The following TCF12 variants were observed in gnomAD, a reference collection of about 807,000 sequenced individuals.
TCF12 encodes the protein transcription factor 12.
In TCF12, 45 loss-of-function variants were observed where a neutral mutation model predicts 86.0. The ratio of observed to expected loss-of-function variants is 0.52; its 90% confidence interval spans 0.41 to 0.67. TCF12 has a LOEUF of 0.67. Among genes scored for constraint, TCF12 ranks in the 30% least tolerant of loss-of-function variants. The probability of loss-of-function intolerance (pLI) is 0.00; values close to 1 mark genes in which losing one functional copy is unlikely to be tolerated. For synonymous variants in TCF12, 330 were observed against 299.6 expected, an observed-to-expected ratio of 1.10 and a Z score of -1.05; for missense variants, 881 against 859.9, an observed-to-expected ratio of 1.02 and a Z score of -0.31.
intron 3 of TCF12, among the ~76,000 whole-genome samples, chr15:56,981,618 G>T (rs1244334996): frequency 6.6e-6 from 1 of 152,090 alleles, no homozygotes; most frequent in Non-Finnish European, 1.5e-5. Context: ...CAACATGGGG[G>T]TTAGAGGCTC....
At chr15:57,113,657 G>A (rs1185301257) in intron 5 of TCF12, among the ~76,000 whole-genome samples, 1 of 151,706 alleles carries the variant, frequency 6.6e-6, no homozygotes, top group African/African-American at 2.4e-5. Flanking sequence ...AGTAAATTTA[G>A]GCTGGGCTCA....
At chr15:57,008,377 T>TTTTTTTTCTTTTTTTC in intron 3 of TCF12, among the ~76,000 whole-genome samples, 1 of 147,800 alleles carries the variant, frequency 6.8e-6, no homozygotes, top group African/African-American at 2.5e-5. Flanking sequence ...AAAATACCCT[T>TTTTTTTTCTTTTTTTC]TTTTTTTCTT....
At chr15:57,106,846 T>C (rs2050164646) in intron 5 of TCF12, among the ~76,000 whole-genome samples, 4 of 152,220 alleles carry the variant, frequency 2.6e-5, no homozygotes, top group African/African-American at 9.6e-5. Flanking sequence ...TAAGGAATTG[T>C]AAATTTAAAT....
At chr15:57,210,461 CTA>C (rs1486444193) in intron 8 of TCF12, among the ~76,000 whole-genome samples, 18 of 152,008 alleles carry the variant, frequency 1.2e-4, no homozygotes, top group African/African-American at 3.9e-4. Context: ...CATCAGAAAA[CTA>C]AAAGTCTTTT....
rs144443974 is a variant in TCF12, at chr15:57,235,575, G to A, written c.1035+1468G>A. On this transcript the variant is annotated intron_variant, in intron 12 of 20. Coordinates refer to ENST00000333725, the MANE Select transcript of TCF12 (RefSeq NM_207037.2). ...TGTCTCACCCTTTTTTCGACTTACT[G>A]TCACCTGATGAAAATGACCTATTTA... Among the ~76,000 whole-genome samples, 484 of 152,204 alleles carry A rather than the reference G, an allele frequency of 3.2e-3. 2 individuals carry two copies. The highest frequency in any genetic ancestry group is 0.011 in the African/African-American group (469 of 41,526).
chr15:57,267,590 A>C (rs2060928824), intron 18 of TCF12, among the ~76,000 whole-genome samples: 1 of 152,204 alleles, frequency 6.6e-6, no homozygotes, highest in African/African-American at 2.4e-5. Context: ...TCTCTGTCAC[A>C]GCTACTTACC....
At position 57,192,309 on chromosome 15, in the gene TCF12, A is replaced by G; in HGVS notation, c.526+16A>G. 2 of 1,612,360 alleles carry G rather than the reference A, an allele frequency of 1.2e-6. No individual in the cohort carries two copies. Among genetic ancestry groups the G allele is most frequent in the Non-Finnish European group, 1.7e-6 (2 of 1,179,150 alleles). ...GCAGCGCTTGGTGAGTGTATCACACAACAAATCCCATCCCACATATGTTGT... is the reference window on the plus strand; with the variant it reads ...GCAGCGCTTGGTGAGTGTATCACACGACAAATCCCATCCCACATATGTTGT... On this transcript the variant is annotated intron_variant, in intron 7 of 20. Transcript: ENST00000333725.
intron 3 of TCF12, among the ~76,000 whole-genome samples, chr15:56,953,510 T>A (rs1468649066): frequency 6.6e-6 from 1 of 152,050 alleles, no homozygotes; most frequent in Non-Finnish European, 1.5e-5. Context: ...CCCTTAAATC[T>A]ACAACTGTTT....
At chr15:57,124,646 G>A (rs184669840) in intron 5 of TCF12, among the ~76,000 whole-genome samples, 2 of 152,144 alleles carry the variant, frequency 1.3e-5, no homozygotes, top group Admixed American at 1.3e-4. Context: ...ATTTTCACCA[G>A]ACACAATGGC....
chr15:57,204,280 C>G (rs1179142660), intron 8 of TCF12, among the ~76,000 whole-genome samples: 2 of 151,976 alleles, frequency 1.3e-5, no homozygotes, highest in African/African-American at 4.8e-5. Flanking sequence ...CACACACACA[C>G]ACAAAAAAAT....
intron 5 of TCF12, among the ~76,000 whole-genome samples, chr15:57,126,885 G>T (rs367916634): frequency 2.0e-5 from 3 of 152,128 alleles, no homozygotes. Flanking sequence ...GCTATTTTGT[G>T]TCTTGGGAAC....
chr15:57,208,368 G>T (rs1192658168), intron 8 of TCF12, among the ~76,000 whole-genome samples: 1 of 117,070 alleles, frequency 8.5e-6, no homozygotes, highest in African/African-American at 3.4e-5. Flanking sequence ...TTGTTCTTTG[G>T]ACAAAAATAT....
chr15:57,277,544 G>A lies in TCF12; in HGVS notation c.1978+4282G>A, dbSNP rs559478303. ...CTTGGGAGGCTGAGGCAGGAGAATC[G>A]CTTGAACCCAGGAGGCAGAGGTTGC... On this transcript the variant is annotated intron_variant, in intron 19 of 20. Transcript: ENST00000333725. Among the ~76,000 whole-genome samples the A allele has an allele frequency of 3.3e-3, 492 of 148,046 alleles. 3 individuals are homozygous for A. The highest frequency in any genetic ancestry group is 0.03 in the South Asian group (140 of 4,644).
intron 18 of TCF12, among the ~76,000 whole-genome samples, chr15:57,268,733 TTATG>T (rs1355251080): frequency 1.6e-4 from 24 of 152,246 alleles, no homozygotes; most frequent in Non-Finnish European, 1.2e-4. Context: ...TTTTTTCTGA[TTATG>T]TAGTCTATTT....
In TCF12 at chr15:57,090,108, C is replaced by T. The variant is rs139483233; in HGVS notation, c.223-1681C>T. 2.5e-3 allele frequency among the ~76,000 whole-genome samples: 378 copies of T among 152,094 alleles called. 2 individuals carry two copies. Among genetic ancestry groups the T allele is most frequent in the African/African-American group, 8.6e-3 (357 of 41,494 alleles). On this transcript the variant is annotated intron_variant, in intron 4 of 20. Transcript: ENST00000333725. ...GTGCACTACTGTAGTTCCAGCTACT[C>T]CTGGGAGCCTGAGGTGGGAGGATCA...
intron 19 of TCF12, among the ~76,000 whole-genome samples, chr15:57,276,796 CTTTTTTTTTTCCTTTTTTTTTTTTTT>C (rs2061417519): frequency 7.4e-6 from 1 of 134,440 alleles, no homozygotes; most frequent in Non-Finnish European, 1.6e-5. Flanking sequence ...TTTTTTTTTT[CTTTTTTTTTTCCTTTTTTTTTTTTTT>C]GAGGCCGAGT....
chr15:56,962,570 G>T (rs1286929442), intron 3 of TCF12, among the ~76,000 whole-genome samples: 2 of 152,100 alleles, frequency 1.3e-5, no homozygotes, highest in African/African-American at 4.8e-5. Context: ...ATGTAATTAT[G>T]TAAAAAGCAA....
intron 4 of TCF12, among the ~76,000 whole-genome samples, chr15:57,083,938 C>T (rs778859180): frequency 7.2e-5 from 11 of 151,892 alleles, no homozygotes; most frequent in African/African-American, 1.7e-4. Flanking sequence ...CCTATTTTTC[C>T]GGCCTGTTGT....
intron 3 of TCF12, among the ~76,000 whole-genome samples, chr15:57,054,970 G>A (rs1191993713): frequency 5.9e-5 from 9 of 151,696 alleles, no homozygotes; most frequent in African/African-American, 2.2e-4. Context: ...TGAATGCATT[G>A]TAACTCTTAG....
Sources: gnomAD v4.1 joint callset for allele counts (sites outside exome capture counted in the v4.1 genomes callset) on GRCh38, gnomAD v4.1.1 for gene constraint, MANE v1.5 for transcripts, NCBI Gene and HGNC (gene_info 2026-07-23, HGNC 2026-07-21) for gene names.